ATP8B1: variants seen among roughly 807,000 people sequenced by gnomAD.
ATP8B1 encodes phospholipid-transporting ATPase IC.
In ATP8B1, 80 loss-of-function variants were observed where a neutral mutation model predicts 149.9. The ratio of observed to expected loss-of-function variants is 0.53; its 90% CI spans 0.45 to 0.64. The LOEUF is 0.64. ATP8B1 is among the 30% of genes least tolerant of loss of function. ATP8B1 has a pLI of 0.00. For missense variants in ATP8B1, 1,247 were observed against 1,552.6 expected, an observed-to-expected ratio of 0.80 and a Z score of 3.31; for synonymous variants, 536 against 562.8, an observed-to-expected ratio of 0.95 and a Z score of 0.67.
intron 2 of ATP8B1, among the ~76,000 whole-genome samples, chr18:57,729,317 C>G (rs1253796885): frequency 6.6e-6 from 1 of 152,158 alleles, no homozygotes; most frequent in Non-Finnish European, 1.5e-5. Context: ...CATCAGATAT[C>G]TACATTTGGT....
chr18:57,654,128 T>G, intron 23 of ATP8B1, 53 bp from the exon 24 acceptor site: 1 of 1,431,374 alleles, frequency 7.0e-7, no homozygotes, highest in Non-Finnish European at 9.9e-7. Flanking sequence ...CATGCCAGCC[T>G]AGTTAGCACA....
intron 2 of ATP8B1, among the ~76,000 whole-genome samples, chr18:57,712,275 G>A (rs1913726317): frequency 6.6e-6 from 1 of 152,068 alleles, no homozygotes; most frequent in Admixed American, 6.5e-5. Context: ...AATTGCCAAT[G>A]CCACCCCTCC....
intron 1 of ATP8B1, among the ~76,000 whole-genome samples, chr18:57,790,072 C>T (rs1328739282): frequency 2.6e-5 from 4 of 152,168 alleles, no homozygotes; most frequent in African/African-American, 7.2e-5. Context: ...GATGCCATCA[C>T]CTTTAGTCGC....
chr18:57,776,506 G>A (rs1640758360), intron 1 of ATP8B1, among the ~76,000 whole-genome samples: 1 of 151,842 alleles, frequency 6.6e-6, no homozygotes, highest in African/African-American at 2.4e-5. Flanking sequence ...TGTTTTGGAG[G>A]GTGGGAGCCC....
intron 24 of ATP8B1, 126 bp from the exon 25 acceptor site, chr18:57,652,855 A>G: frequency 8.6e-7 from 1 of 1,160,304 alleles, no homozygotes; most frequent in Non-Finnish European, 1.3e-6. Context: ...AAAACTGAAC[A>G]AGATAATCGA....
chr18:57,738,361 C>T (rs561862715), intron 1 of ATP8B1, among the ~76,000 whole-genome samples: 19 of 152,146 alleles, frequency 1.2e-4, no homozygotes, highest in Non-Finnish European at 2.1e-4. Flanking sequence ...CGGTGGCTCA[C>T]GCCTGTAATC....
intron 7 of ATP8B1, 33 bp downstream of exon 7, chr18:57,697,762 A>G (rs979297035): frequency 2.5e-6 from 4 of 1,612,940 alleles, no homozygotes; most frequent in Non-Finnish European, 3.4e-6. Context: ...GGGGGAGAAC[A>G]AGGAACAAGA....
intron 15 of ATP8B1, among the ~76,000 whole-genome samples, chr18:57,676,245 T>C (rs974025872): frequency 1.3e-5 from 2 of 152,046 alleles, no homozygotes; most frequent in Non-Finnish European, 2.9e-5. Context: ...ACTGCAGCCT[T>C]GATCGCTTCA....
intron 1 of ATP8B1, chr18:57,735,075 A>C (rs1372246511): frequency 6.6e-6 from 1 of 152,342 alleles, no homozygotes; most frequent in Non-Finnish European, 1.5e-5. Flanking sequence ...GGAGCCAGCA[A>C]GGGCAACCCC....
Position 57,652,567 on chromosome 18 carries a change from C to G in ATP8B1, c.3178G>C (p.Gly1060Arg). 1.2e-6 allele frequency: 2 copies of G among 1,614,186 alleles called. No homozygotes were observed. The highest frequency in any genetic ancestry group is 2.7e-5 in the African/African-American group (2 of 75,038). Residue 1060 changes from glycine (G) to arginine (R), a missense_variant, in exon 25 of 28, where the codon GGG becomes CGG. Physicochemically the swap from Gly to Arg is moderately radical, Grantham distance 125. Transcript: ENST00000648908. ...TCGGAAGGTGCCTCTCCATCCTGCC[C>G]TACGGTTTGCAGATAAGCTCCAAGA... ...IPLGAYLQTV[G>R]QDGEAPSDYQ...
chr18:57,694,319 G>A lies in ATP8B1; in HGVS notation c.1029+263C>T, dbSNP rs532237943. Among the ~76,000 whole-genome samples the A allele has an allele frequency of 3.9e-5, 6 of 151,906 alleles. No homozygotes were observed. In the East Asian group the frequency reaches 5.8e-4, roughly 15 times the overall value. On this transcript the variant is annotated intron_variant, in intron 11 of 27. Transcript: ENST00000648908. ...AGGGCTTCCTGGTTTTCCAGTTCCC[G>A]TCATCAAAGCACTCAGGGCACCCTA...
At chr18:57,722,170 A>G (rs1270111937) in intron 2 of ATP8B1, among the ~76,000 whole-genome samples, 5 of 151,506 alleles carry the variant, frequency 3.3e-5, no homozygotes, top group Admixed American at 3.3e-4. Context: ...TGACACCCTA[A>G]CATCACAATT....
At chr18:57,790,525 A>G (rs2123449220) in intron 1 of ATP8B1, among the ~76,000 whole-genome samples, 1 of 152,174 alleles carries the variant, frequency 6.6e-6, no homozygotes, top group Admixed American at 6.6e-5. Context: ...AGAGCACAGC[A>G]CTAAGCTCTC....
chr18:57,765,252 G>A (rs530490895), intron 1 of ATP8B1, among the ~76,000 whole-genome samples: 3 of 152,312 alleles, frequency 2.0e-5, no homozygotes, highest in African/African-American at 7.2e-5. Context: ...GTTGCCAAAG[G>A]TTGGGAGGAA....
intron 2 of ATP8B1, 100 bp from the exon 3 acceptor site, chr18:57,706,687 T>G (rs774950019): frequency 2.1e-6 from 2 of 946,426 alleles, no homozygotes; most frequent in Non-Finnish European, 3.3e-6. Flanking sequence ...GTCCTAAACC[T>G]CCATCCCTCA....
At chr18:57,676,973 T>G (rs552284482) in intron 15 of ATP8B1, among the ~76,000 whole-genome samples, 2 of 152,224 alleles carry the variant, frequency 1.3e-5, no homozygotes, top group South Asian at 4.1e-4. Flanking sequence ...GATATTCCAC[T>G]GCACTCCAGC....
chr18:57,782,803 C>CTTTTTTTTTTTTTT lies in ATP8B1; in HGVS notation c.-26+20181_-26+20194dup, dbSNP rs79009229. On this transcript the variant is annotated intron_variant, in intron 1 of 27. Coordinates refer to ENST00000648908, the MANE Select transcript of ATP8B1 (RefSeq NM_001374385.1). ...GGCTCAGATTAATTCTAGTTTGTCTCTTTTTTTTTTTTTTTTTTTTTTTTT... is the reference window on the plus strand; with the variant it reads ...GGCTCAGATTAATTCTAGTTTGTCTCTTTTTTTTTTTTTTTTTTTTTTTTTTTTTTTTTTTTTTT... 2.1e-4 allele frequency among the ~76,000 whole-genome samples: 19 copies of CTTTTTTTTTTTTTT among 91,154 alleles called. 1 individual carries two copies. The highest frequency in any genetic ancestry group is 5.4e-4 in the African/African-American group (11 of 20,502). The allele number at this position is 91,154 out of a possible 152,430, so 59.8% of individuals were successfully genotyped here.
chr18:57,754,722 G>A (rs1241216708), intron 1 of ATP8B1, among the ~76,000 whole-genome samples: 1 of 152,158 alleles, frequency 6.6e-6, no homozygotes, highest in Non-Finnish European at 1.5e-5. Flanking sequence ...CCACGCCGGG[G>A]CTCAAATTTA....
At chr18:57,675,822 C>T (rs1438054073) in intron 15 of ATP8B1, among the ~76,000 whole-genome samples, 2 of 152,188 alleles carry the variant, frequency 1.3e-5, no homozygotes, top group African/African-American at 4.8e-5. Flanking sequence ...CCTCCTACCT[C>T]ATCTTCCCAT....
Sources: allele counts gnomAD v4.1 joint callset (sites outside exome capture counted in the v4.1 genomes callset), GRCh38; gene constraint gnomAD v4.1.1; transcripts MANE v1.5; gene names NCBI Gene and HGNC (gene_info 2026-07-23, HGNC 2026-07-21).